NEK10: variants seen among roughly 807,000 people sequenced by gnomAD.
NEK10 encodes serine/threonine-protein kinase Nek10.
In NEK10, 122 loss-of-function variants were observed where a neutral mutation model predicts 159.8. The ratio of observed to expected loss-of-function variants is 0.76; its 90% CI spans 0.66 to 0.89. NEK10 has a LOEUF of 0.89. NEK10 is among the 40% of genes least tolerant of loss of function. The probability of loss-of-function intolerance (pLI) is 0.00; values close to 1 mark genes in which losing one functional copy is unlikely to be tolerated. For synonymous variants in NEK10, 466 were observed against 457.1 expected, an observed-to-expected ratio of 1.02 and a Z score of -0.25; for missense variants, 1,342 against 1,323.1, an observed-to-expected ratio of 1.01 and a Z score of -0.22.
rs1020455217 is a variant in NEK10, at chr3:27,109,204, C to A, written c.*2068G>T. Among the ~76,000 whole-genome samples, 2 of 152,044 alleles carry A rather than the reference C, an allele frequency of 1.3e-5. No homozygotes were observed. Among genetic ancestry groups the A allele is most frequent in the African/African-American group, 4.8e-5 (2 of 41,406 alleles). ...GACCAGCCTGGCCAACATGGTGTAA[C>A]CCCATCTCTACTAAAAACACAAAAA... On this transcript the variant is annotated 3_prime_UTR_variant, in exon 36 of 36. Coordinates refer to ENST00000691995, the MANE Select transcript of NEK10 (RefSeq NM_001394966.1).
chr3:27,315,556 T>C (rs936928527), intron 6 of NEK10, among the ~76,000 whole-genome samples: 10 of 151,860 alleles, frequency 6.6e-5, no homozygotes, highest in Non-Finnish European at 1.3e-4. Context: ...TGATCTCTAT[T>C]TATGGTAGGA....
intron 25 of NEK10, chr3:27,194,014 C>T (rs1192527645): frequency 6.6e-6 from 1 of 152,132 alleles, no homozygotes; most frequent in African/African-American, 2.4e-5. Flanking sequence ...ACCCATAACC[C>T]AAAATATTTG....
chr3:27,201,415 C>T, intron 25 of NEK10, 95 bp downstream of exon 25: 2 of 1,057,682 alleles, frequency 1.9e-6, no homozygotes, highest in African/African-American at 3.1e-5. Context: ...GGGACTCTTT[C>T]TCTTCATGAC....
intron 1 of NEK10, among the ~76,000 whole-genome samples, chr3:27,366,614 G>C: frequency 6.6e-6 from 1 of 152,210 alleles, no homozygotes; most frequent in East Asian, 1.9e-4. Context: ...CCATTAGATG[G>C]TCAATAAATA....
intron 30 of NEK10, chr3:27,143,569 C>A: frequency 1.6e-6 from 1 of 633,738 alleles, no homozygotes; most frequent in Non-Finnish European, 2.8e-6. Flanking sequence ...TTATTGAGAC[C>A]CTTTGACCAC....
intron 20 of NEK10, among the ~76,000 whole-genome samples, chr3:27,286,214 T>C (rs1270716847): frequency 6.7e-6 from 1 of 149,568 alleles, no homozygotes; most frequent in Non-Finnish European, 1.5e-5. Flanking sequence ...GTCTCCCAAG[T>C]AGCTGGGACT....
At chr3:27,362,074 C>T (rs138050508) in intron 1 of NEK10, among the ~76,000 whole-genome samples, 711 of 152,136 alleles carry the variant, frequency 4.7e-3, no homozygotes, top group African/African-American at 0.016. Context: ...AAAAAAATGT[C>T]CAAATGAGAT....
In NEK10 at chr3:27,108,802, G is replaced by C. The variant is rs941320424; in HGVS notation, c.*2470C>G. On this transcript the variant is annotated 3_prime_UTR_variant, in exon 36 of 36. Transcript: ENST00000691995. ...GGTGCTCCATATTTGTGTTAGAAAG[G>C]CTTCTGAAAAGTTAACTTCTCTGTT... 1.3e-5 allele frequency among the ~76,000 whole-genome samples: 2 copies of C among 152,116 alleles called. No individual in the cohort carries two copies. Among genetic ancestry groups the C allele is most frequent in the African/African-American group, 4.8e-5 (2 of 41,432 alleles).
chr3:27,250,941 T>G (rs1206842914), intron 23 of NEK10, among the ~76,000 whole-genome samples: 1 of 152,194 alleles, frequency 6.6e-6, no homozygotes, highest in Non-Finnish European at 1.5e-5. Context: ...CTCCTATATA[T>G]GCAGAATATA....
At position 27,211,954 on chromosome 3, in the gene NEK10, G is replaced by T. The variant is rs62256302; in HGVS notation, c.2091-9397C>A. Among the ~76,000 whole-genome samples, 117 of 152,314 alleles carry T rather than the reference G, an allele frequency of 7.7e-4. 1 individual carries two copies. Among genetic ancestry groups the T allele is most frequent in the South Asian group, 1.9e-3 (9 of 4,830 alleles). On this transcript the variant is annotated intron_variant, in intron 23 of 35. Transcript: ENST00000691995. ...TGTTTGACTTTGGAGGTGAGGTTGG[G>T]TAGATATTAATTTCCTCACATCTGT...
intron 13 of NEK10, among the ~76,000 whole-genome samples, chr3:27,299,669 A>G (rs1478144379): frequency 6.6e-6 from 1 of 152,220 alleles, no homozygotes; most frequent in African/African-American, 2.4e-5. Context: ...GGGAAGCTGT[A>G]CCTCACATAG....
At chr3:27,331,817 T>TGA (rs2149712144) in intron 5 of NEK10, among the ~76,000 whole-genome samples, 1 of 152,358 alleles carries the variant, frequency 6.6e-6, no homozygotes, top group South Asian at 2.1e-4. Flanking sequence ...TTATACATCG[T>TGA]GGAAACATTT....
intron 6 of NEK10, among the ~76,000 whole-genome samples, chr3:27,316,418 C>T (rs2045182454): frequency 6.6e-6 from 1 of 152,026 alleles, no homozygotes; most frequent in African/African-American, 2.4e-5. Flanking sequence ...TTAACTAACA[C>T]AGGGGGAGAG....
chr3:27,128,881 A>G (rs1942286746), intron 32 of NEK10, among the ~76,000 whole-genome samples: 1 of 152,090 alleles, frequency 6.6e-6, no homozygotes, highest in Non-Finnish European at 1.5e-5. Flanking sequence ...AAAATCACCT[A>G]TATCCCCAAG....
chr3:27,257,795 T>C (rs1380930965), intron 22 of NEK10, among the ~76,000 whole-genome samples: 2 of 105,178 alleles, frequency 1.9e-5, no homozygotes, highest in Non-Finnish European at 4.7e-5. Flanking sequence ...TTTCTTTTTT[T>C]TTTTTTTTTT....
chr3:27,204,101 A>G (rs1285228053), intron 23 of NEK10, among the ~76,000 whole-genome samples: 3 of 152,066 alleles, frequency 2.0e-5, no homozygotes, highest in Non-Finnish European at 4.4e-5. Context: ...GAGATCTCAG[A>G]AGATTTGCTT....
intron 23 of NEK10, among the ~76,000 whole-genome samples, chr3:27,205,027 T>C (rs937486486): frequency 2.6e-5 from 4 of 151,228 alleles, no homozygotes; most frequent in African/African-American, 9.7e-5. Flanking sequence ...TGGTATCTCA[T>C]AGTGGTTTTG....
At chr3:27,362,866 C>T (rs1041854655) in intron 1 of NEK10, among the ~76,000 whole-genome samples, 9 of 152,058 alleles carry the variant, frequency 5.9e-5, no homozygotes, top group African/African-American at 2.2e-4. Context: ...ATTATCACTT[C>T]CTAAATGATC....
rs2048061333 is a variant in NEK10, at chr3:27,352,742, A to G, written c.71+70T>C. ...TGTCAAGAGTCTTCTCTATTTCTCAAAAAGCCATTAAATCTGTTCAATGGC... is the reference window on the plus strand; with the variant it reads ...TGTCAAGAGTCTTCTCTATTTCTCAGAAAGCCATTAAATCTGTTCAATGGC... On this transcript the variant is annotated intron_variant, in intron 2 of 35. Coordinates refer to ENST00000691995, the MANE Select transcript of NEK10 (RefSeq NM_001394966.1). 5 of 1,087,630 alleles carry G rather than the reference A, an allele frequency of 4.6e-6. No homozygotes were observed. The Admixed American group carries it at 9.0e-5, about 20-fold the overall frequency. The allele number at this position is 1,087,630 out of a possible 1,614,324, so 67.4% of individuals were successfully genotyped here. A position where few individuals can be genotyped will look rare whatever the true frequency, so the allele number is the denominator to read the frequency against.
Sources: gnomAD v4.1 joint callset for allele counts (sites outside exome capture counted in the v4.1 genomes callset) on GRCh38, gnomAD v4.1.1 for gene constraint, MANE v1.5 for transcripts, NCBI Gene and HGNC (gene_info 2026-07-23, HGNC 2026-07-21) for gene names.